Variants in IL1RAPL1 observed in about 807,000 individuals in gnomAD.
IL1RAPL1 encodes interleukin 1 receptor accessory protein like 1.
A neutral mutation model predicts 48.4 loss-of-function variants in IL1RAPL1; 3 were observed. The observed-to-expected ratio is 0.06, with a 90% CI of 0.03 to 0.16. IL1RAPL1 has a LOEUF of 0.16. Ranked by LOEUF, IL1RAPL1 falls within the 10% of genes least tolerant of loss-of-function variation. The pLI, the probability that IL1RAPL1 is intolerant of heterozygous loss-of-function variation, is 1.00. For synonymous variants in IL1RAPL1, 185 were observed against 187.7 expected, an observed-to-expected ratio of 0.99 and a Z score of 0.12; for missense variants, 349 against 530.6, an observed-to-expected ratio of 0.66 and a Z score of 3.36.
At chrX:29,434,422 A>G (rs1934457586) in intron 5 of IL1RAPL1, among the ~76,000 whole-genome samples, 1 of 110,671 alleles carries the variant, frequency 9.0e-6, no homozygotes, top group Non-Finnish European at 1.9e-5. Context: ...CATCAGATTA[A>G]TATGATCATT....
intron 1 of IL1RAPL1, among the ~76,000 whole-genome samples, chrX:28,630,543 C>T (rs1934387660): frequency 1.8e-5 from 2 of 112,025 alleles, no homozygotes; most frequent in African/African-American, 6.5e-5. Flanking sequence ...CTTCAGGCCA[C>T]CTTGGTTGAG....
intron 1 of IL1RAPL1, among the ~76,000 whole-genome samples, chrX:28,781,139 T>G (rs1396500955): frequency 9.0e-6 from 1 of 110,539 alleles, no homozygotes; most frequent in Non-Finnish European, 1.9e-5. Context: ...ATCATGTAGT[T>G]TCTGTGGGTC....
chrX:29,474,153 T>C (rs1443302253), intron 5 of IL1RAPL1, among the ~76,000 whole-genome samples: 1 of 112,255 alleles, frequency 8.9e-6, no homozygotes, highest in Non-Finnish European at 1.9e-5. Flanking sequence ...TAATGTCAAC[T>C]GATTATTATG....
intron 2 of IL1RAPL1, among the ~76,000 whole-genome samples, chrX:29,270,630 A>G (rs1197559368): frequency 9.0e-6 from 1 of 111,614 alleles, no homozygotes; most frequent in African/African-American, 3.3e-5. Flanking sequence ...ACATTTATCT[A>G]TTTTTCTATC....
intron 1 of IL1RAPL1, among the ~76,000 whole-genome samples, chrX:28,599,392 A>T (rs140299691): frequency 0.014 from 1,503 of 110,717 alleles, 8 homozygotes; most frequent in Non-Finnish European, 0.022. Context: ...TGCTTTCTTG[A>T]TGTTTTCCAA....
At chrX:28,959,689 A>G (rs1295942132) in intron 2 of IL1RAPL1, among the ~76,000 whole-genome samples, 3 of 112,137 alleles carry the variant, frequency 2.7e-5, no homozygotes, top group African/African-American at 9.7e-5. Context: ...TAGCAAGGAC[A>G]TTCATATTTT....
intron 1 of IL1RAPL1, among the ~76,000 whole-genome samples, chrX:28,631,049 T>C (rs1299150862): frequency 9.0e-6 from 1 of 111,584 alleles, no homozygotes; most frequent in Non-Finnish European, 1.9e-5. Context: ...GAGTAGAAGA[T>C]GGATAACAGT....
intron 2 of IL1RAPL1, among the ~76,000 whole-genome samples, chrX:28,798,976 G>A (rs765166439): frequency 8.9e-6 from 1 of 111,791 alleles, no homozygotes; most frequent in South Asian, 3.8e-4. Context: ...CCTTTTCTTT[G>A]TGGTAGGCTA....
Position 29,801,064 on chromosome X carries a change from A to AC in IL1RAPL1, c.779-116400_779-116399insC, listed in dbSNP as rs1424674249. ...CCGTCTCAAAAAAAAAAAAAAAAAA[A>AC]AAAAAAAAAAAAAAAACTCATCTTT... On this transcript the variant is annotated intron_variant, in intron 6 of 10. Transcript: ENST00000378993. Among the ~76,000 whole-genome samples, 48 of 90,055 alleles carry AC rather than the reference A, an allele frequency of 5.3e-4. 1 individual carries two copies. Among genetic ancestry groups the AC allele is most frequent in the African/African-American group, 1.8e-3 (44 of 24,360 alleles). 78.2% of individuals were successfully genotyped at this position (90,055 alleles called of 115,157 possible).
chrX:28,982,460 G>A (rs878952755), intron 2 of IL1RAPL1, among the ~76,000 whole-genome samples: 2 of 111,996 alleles, frequency 1.8e-5, no homozygotes, highest in African/African-American at 3.2e-5. Context: ...CTTAGAATAC[G>A]GGAAGCACTC....
intron 6 of IL1RAPL1, among the ~76,000 whole-genome samples, chrX:29,756,167 A>C (rs1928607662): frequency 1.8e-5 from 2 of 111,738 alleles, no homozygotes; most frequent in Admixed American, 1.9e-4. Context: ...AGTATACTGA[A>C]ATAGAAAGAT....
intron 6 of IL1RAPL1, among the ~76,000 whole-genome samples, chrX:29,745,211 G>A (rs773362937): frequency 3.6e-5 from 4 of 110,452 alleles, no homozygotes; most frequent in Non-Finnish European, 5.7e-5. Context: ...CTAAATGCTG[G>A]GAATACATTA....
chrX:28,832,470 C>A (rs987086045), intron 2 of IL1RAPL1, among the ~76,000 whole-genome samples: 1 of 111,201 alleles, frequency 9.0e-6, no homozygotes, highest in Non-Finnish European at 1.9e-5. Flanking sequence ...TTATTCATTT[C>A]GTCCTGAAAA....
At chrX:29,249,311 TTGTC>T (rs745546145) in intron 2 of IL1RAPL1, among the ~76,000 whole-genome samples, 17 of 112,130 alleles carry the variant, frequency 1.5e-4, no homozygotes, top group South Asian at 7.3e-4. Flanking sequence ...AGAACTTACT[TTGTC>T]TGGGAATTTA....
intron 1 of IL1RAPL1, among the ~76,000 whole-genome samples, chrX:28,780,641 GA>G (rs967887504): frequency 9.1e-6 from 1 of 110,092 alleles, no homozygotes; most frequent in African/African-American, 3.3e-5. Flanking sequence ...AAATTTTAAA[GA>G]GGCATAAATA....
chrX:29,852,866 T>C (rs1931398130), intron 6 of IL1RAPL1, among the ~76,000 whole-genome samples: 1 of 111,651 alleles, frequency 9.0e-6, no homozygotes, highest in Non-Finnish European at 1.9e-5. Flanking sequence ...TACAGTCAGA[T>C]TTGAGCAATA....
rs181753799 is a variant in IL1RAPL1, at chrX:29,872,340, G to A, written c.779-45124G>A. On this transcript the variant is annotated intron_variant, in intron 6 of 10. Transcript: ENST00000378993. ...AGCCTATAAATATCCTGCCTGTGTAGGCACATGGGAGTCAATCCTGAGAAA... is the reference window on the plus strand; with the variant it reads ...AGCCTATAAATATCCTGCCTGTGTAAGCACATGGGAGTCAATCCTGAGAAA... Among the ~76,000 whole-genome samples the A allele has an allele frequency of 1.5e-4, 17 of 111,932 alleles. No individual in the cohort carries two copies. In the East Asian group the frequency reaches 4.8e-3, roughly 32 times the overall value.
rs545170676 is a variant in IL1RAPL1 at position 29,592,878 on chromosome X, G to A, written c.704-75552G>A. Among the ~76,000 whole-genome samples the A allele has an allele frequency of 4.5e-5, 5 of 111,637 alleles. No homozygotes were observed. The South Asian group carries it at 1.9e-3, about 42-fold the overall frequency. On this transcript the variant is annotated intron_variant, in intron 5 of 10. Transcript: ENST00000378993. Reference sequence around the variant, plus strand: ...CTCCTCAGCCAGCTCCTTGCACCAGGCCCACAGTTTACACTGTCACTGTAA... The same window carrying A: ...CTCCTCAGCCAGCTCCTTGCACCAGACCCACAGTTTACACTGTCACTGTAA...
chrX:28,648,505 C>A, intron 1 of IL1RAPL1, among the ~76,000 whole-genome samples: 1 of 111,902 alleles, frequency 8.9e-6, no homozygotes, highest in Non-Finnish European at 1.9e-5. Context: ...AGCAATACAA[C>A]TTGTTGGTAA....
Sources: gnomAD v4.1 joint callset for allele counts (sites outside exome capture counted in the v4.1 genomes callset) on GRCh38, gnomAD v4.1.1 for gene constraint, MANE v1.5 for transcripts, NCBI Gene and HGNC (gene_info 2026-07-23, HGNC 2026-07-21) for gene names.